Variants in CCDC88A observed in about 807,000 individuals in gnomAD.
The protein encoded by CCDC88A is girdin.
In CCDC88A, 54 loss-of-function variants were observed where a neutral mutation model predicts 234.3. That is an observed-to-expected ratio of 0.23 (90% CI 0.19 to 0.29). CCDC88A has a LOEUF of 0.29. Ranked by LOEUF, CCDC88A falls within the 10% of genes least tolerant of loss-of-function variation. The pLI is 1.00. For synonymous variants in CCDC88A, 753 were observed against 737.8 expected (o/e 1.02, Z -0.33); for missense variants, 1,832 against 2,123.4 (o/e 0.86, Z 2.70).
At position 55,289,392 on chromosome 2, in the gene CCDC88A, T is replaced by G. The variant is rs1470530282; in HGVS notation, c.*1808A>C. The G allele has an allele frequency of 6.6e-6, 1 of 152,622 alleles. No individual in the cohort carries two copies. Among genetic ancestry groups the G allele is most frequent in the Non-Finnish European group, 1.5e-5 (1 of 68,022 alleles). 9.5% of individuals were successfully genotyped at this position (152,622 alleles called of 1,614,324 possible). A position where few individuals can be genotyped will look rare whatever the true frequency, so the allele number is the denominator to read the frequency against. ...GAATGTACATTTTTTGACATGCAAT[T>G]GTCTCTAGACTGCTCTGATACCTAT... On this transcript the variant is annotated 3_prime_UTR_variant, in exon 33 of 33. Transcript: ENST00000436346.
At position 55,321,726 on chromosome 2, in the gene CCDC88A, T is replaced by C. The variant is rs79738554; in HGVS notation, c.3162+802A>G. ...ACTGAAAATGCAAATAGGAATTTTG[T>C]ATAGCATGATCCCACAGGTATAAAT... On this transcript the variant is annotated intron_variant, in intron 18 of 32. Transcript: ENST00000436346. 9.9e-5 allele frequency among the ~76,000 whole-genome samples: 15 copies of C among 152,244 alleles called. No homozygotes were observed. In the East Asian group the frequency reaches 2.5e-3, roughly 25 times the overall value.
chr2:55,359,671 T>C (rs993601622), intron 7 of CCDC88A, among the ~76,000 whole-genome samples: 1 of 151,114 alleles, frequency 6.6e-6, no homozygotes, highest in African/African-American at 2.4e-5. Flanking sequence ...TTTTTGTACT[T>C]ATCACTTTCA....
chr2:55,319,451 G>C (rs1683356671), intron 18 of CCDC88A, among the ~76,000 whole-genome samples: 1 of 152,108 alleles, frequency 6.6e-6, no homozygotes, highest in South Asian at 2.1e-4. Context: ...AGTGGTCCCA[G>C]AGATAGTGCA....
chr2:55,353,798 T>C lies in CCDC88A; in HGVS notation c.800+1781A>G, dbSNP rs1363731494. On this transcript the variant is annotated intron_variant, in intron 8 of 32. Coordinates refer to ENST00000436346, the MANE Select transcript of CCDC88A (RefSeq NM_001365480.1). The stretch of plus-strand genomic sequence containing the variant: ...TATGTAACATTTACACTTACTTTTC[T>C]GTAATGGTCTTAAAATTAAGAAAAT... Among the ~76,000 whole-genome samples, 7 of 152,232 alleles carry C rather than the reference T, an allele frequency of 4.6e-5. No individual in the cohort carries two copies. The South Asian group carries it at 1.4e-3, about 31-fold the overall frequency.
intron 3 of CCDC88A, among the ~76,000 whole-genome samples, chr2:55,382,469 A>G (rs1199939213): frequency 6.6e-6 from 1 of 152,196 alleles, no homozygotes; most frequent in Non-Finnish European, 1.5e-5. Flanking sequence ...AACTGCGGCC[A>G]ATATAGTCAC....
At chr2:55,338,555 A>G (rs1668077227) in intron 13 of CCDC88A, among the ~76,000 whole-genome samples, 1 of 152,254 alleles carries the variant, frequency 6.6e-6, no homozygotes, top group African/African-American at 2.4e-5. Flanking sequence ...ATTAAGATTC[A>G]GGTTTCATAA....
Position 55,418,876 on chromosome 2 carries a change from T to C in CCDC88A, c.104A>G (p.Asn35Ser), listed in dbSNP as rs1182269346. 8 of 1,614,024 alleles carry C rather than the reference T, an allele frequency of 5.0e-6. No individual in the cohort carries two copies. The highest frequency in any genetic ancestry group is 1.1e-5 in the South Asian group (1 of 91,086). Reference protein sequence around the residue: ...FGPLAAGNGTNLDEYVALVDG... With the variant: ...FGPLAAGNGTSLDEYVALVDG... ...CACCAAAGCCACATATTCATCAAGG[T>C]TGGTCCCATTTCCTGCGGCCAGAGG... The change falls in exon 2 of 33, where the codon AAC becomes AGC. Residue 35 changes from asparagine (N) to serine (S), a missense_variant. Asn to Ser is a conservative substitution (Grantham distance 46). Around this residue, in one of 6 missense-constraint regions of CCDC88A, gnomAD observed 36 missense variants for 44.0 expected, o/e 0.82. Transcript: ENST00000436346.
rs6738517 is a variant in CCDC88A at position 55,346,397 on chromosome 2, C to T, written c.883-64G>A. On this transcript the variant is annotated intron_variant, in intron 9 of 32. Transcript: ENST00000436346. ...GTTATCAACTTGTTATTCTTTGTTG[C>T]ACAATTTGAAATTTTATTTATTTAT... The T allele has an allele frequency of 0.017, 15,786 of 909,090 alleles. 1,241 individuals carry two copies. The African/African-American group carries it at 0.2, about 11-fold the overall frequency. 56.3% of individuals were successfully genotyped at this position (909,090 alleles called of 1,614,324 possible). A position where few individuals can be genotyped will look rare whatever the true frequency, so the allele number is the denominator to read the frequency against.
chr2:55,404,952 A>T (rs963668737), intron 2 of CCDC88A: 2 of 152,240 alleles, frequency 1.3e-5, no homozygotes, highest in African/African-American at 2.4e-5. Flanking sequence ...GTCTGGTCTC[A>T]AACTGACCGC....
rs1285484277 is a variant in CCDC88A, at chr2:55,319,093, GTATT to G, written c.3163-93_3163-90del. 5 of 999,522 alleles carry G rather than the reference GTATT, an allele frequency of 5.0e-6. No individual in the cohort carries two copies. In the South Asian group the frequency reaches 7.2e-5, roughly 14 times the overall value. 61.9% of individuals were successfully genotyped at this position (999,522 alleles called of 1,614,324 possible). A position where few individuals can be genotyped will look rare whatever the true frequency, so the allele number is the denominator to read the frequency against. ...TAGTATACTGAATTTTATACAATGAGTATTTATTAGCATTATAATCCATAAAAGC... is the reference window on the plus strand; with the variant it reads ...TAGTATACTGAATTTTATACAATGAGTATTAGCATTATAATCCATAAAAGC... On this transcript the variant is annotated intron_variant, in intron 18 of 32. Coordinates refer to ENST00000436346, the MANE Select transcript of CCDC88A (RefSeq NM_001365480.1).
chr2:55,316,160 T>A (rs1682955551), intron 21 of CCDC88A, 46 bp from the exon 22 acceptor site: 1 of 804,982 alleles, frequency 1.2e-6, no homozygotes. Flanking sequence ...TCTTAATAGC[T>A]TTTGGTGTAA....
chr2:55,413,718 A>C (rs7602189), intron 2 of CCDC88A, among the ~76,000 whole-genome samples: 124,267 of 151,994 alleles, frequency 0.82, 51,637 homozygotes, highest in Admixed American at 0.91. Context: ...ATAATCCCAG[A>C]ACTTTGGGAG....
At chr2:55,397,329 A>G (rs1677790848) in intron 2 of CCDC88A, 1 of 152,168 alleles carries the variant, frequency 6.6e-6, no homozygotes, top group Admixed American at 6.5e-5. Flanking sequence ...TCCTGGCCTC[A>G]AGTGATCCTC....
chr2:55,398,844 G>A (rs1032818216), intron 2 of CCDC88A, among the ~76,000 whole-genome samples: 3 of 151,006 alleles, frequency 2.0e-5, no homozygotes, highest in Non-Finnish European at 4.4e-5. Flanking sequence ...CCACCTGGGT[G>A]ACAGAGCAAG....
At chr2:55,377,376 T>G (rs1047082907) in intron 3 of CCDC88A, among the ~76,000 whole-genome samples, 1 of 151,318 alleles carries the variant, frequency 6.6e-6, no homozygotes, top group Non-Finnish European at 1.5e-5. Flanking sequence ...CAAGTTGATC[T>G]TGAACTCCTG....
At chr2:55,296,831 A>T (rs1028836411) in intron 29 of CCDC88A, 1 of 241,472 alleles carries the variant, frequency 4.1e-6, no homozygotes, top group Admixed American at 5.2e-5. Context: ...TTTTTTGAGT[A>T]AATGAATGAA....
At chr2:55,378,894 C>T (rs562662568) in intron 3 of CCDC88A, among the ~76,000 whole-genome samples, 56 of 152,034 alleles carry the variant, frequency 3.7e-4, no homozygotes, top group African/African-American at 1.1e-3. Flanking sequence ...TACAGGTGCC[C>T]GCCACCACAT....
At position 55,308,919 on chromosome 2, in the gene CCDC88A, T is replaced by C; in HGVS notation, c.4277A>G (p.Asp1426Gly). Residue 1426 changes from aspartate (D) to glycine (G), a missense_variant, in exon 25 of 33, where the codon GAC (aspartate) becomes GGC (glycine). This residue lies in a region of CCDC88A where 1,282 missense variants were observed against 1,543.6 expected (regional missense o/e 0.83). Transcript: ENST00000436346. Reference sequence around the variant, plus strand: ...GAGCTGAAGAAATCCTTCACTGGAGTCTGAGCGGGTGGGTGTTAATGTTAG... The same window carrying C: ...GAGCTGAAGAAATCCTTCACTGGAGCCTGAGCGGGTGGGTGTTAATGTTAG... Reference protein sequence around the residue: ...KSLTLTPTRSDSSEGFLQLPH... With the variant: ...KSLTLTPTRSGSSEGFLQLPH... 1 of 1,613,940 alleles carries C rather than the reference T, an allele frequency of 6.2e-7. No homozygotes were observed. Among genetic ancestry groups the C allele is most frequent in the Non-Finnish European group, 8.5e-7 (1 of 1,179,842 alleles).
rs973266388 is a variant in CCDC88A at position 55,332,814 on chromosome 2, A to G, written c.2728-121T>C. The G allele has an allele frequency of 2.5e-6, 2 of 808,442 alleles. No homozygotes were observed. The highest frequency in any genetic ancestry group is 3.5e-5 in the African/African-American group (2 of 57,858). 50.1% of individuals were successfully genotyped at this position (808,442 alleles called of 1,614,324 possible). A position where few individuals can be genotyped will look rare whatever the true frequency, so the allele number is the denominator to read the frequency against. The stretch of plus-strand genomic sequence containing the variant: ...CATGTAATTTGAACCAGGAAATGTC[A>G]TTAAACCATTCCTTCATTATTAAAA... On this transcript the variant is annotated intron_variant, in intron 15 of 32. Coordinates refer to ENST00000436346, the MANE Select transcript of CCDC88A (RefSeq NM_001365480.1). The surrounding 1 kb of genome is among the most constrained non-coding windows in gnomAD (Gnocchi z 4.5).
Sources: allele counts gnomAD v4.1 joint callset (sites outside exome capture counted in the v4.1 genomes callset), GRCh38; gene constraint gnomAD v4.1.1; regional missense constraint gnomAD v4.1.1; non-coding constraint Gnocchi (gnomAD v3.1); transcripts MANE v1.5; gene names NCBI Gene and HGNC (gene_info 2026-07-23, HGNC 2026-07-21).